TPRG1: variants seen among roughly 807,000 people sequenced by gnomAD.
The protein encoded by TPRG1 is tumor protein p63-regulated gene 1 protein.
Under a neutral mutation model 29.3 loss-of-function variants are expected in TPRG1, and 29 were observed. The observed-to-expected ratio is 0.99, with a 90% confidence interval of 0.74 to 1.35. TPRG1 has a LOEUF of 1.35. TPRG1 is among the 40% of genes most tolerant of loss of function. TPRG1 has a pLI of 0.00. For missense variants in TPRG1, 327 were observed against 335.0 expected (o/e 0.98, Z 0.19); for synonymous variants, 130 against 116.8 (o/e 1.11, Z -0.73).
rs536367580 is a variant in TPRG1 at position 189,161,336 on chromosome 3, G to T, written c.-10+10464G>T. Among the ~76,000 whole-genome samples the T allele has an allele frequency of 5.3e-5, 8 of 152,318 alleles. No individual in the cohort carries two copies. In the South Asian group the frequency reaches 1.7e-3, roughly 32 times the overall value. ...GACTATCTTTGCGGCCTTGGGGCAA[G>T]TTATTCACTTGTTTCTCCTCAGTTT... On this transcript the variant is annotated intron_variant, in intron 5 of 6. Coordinates refer to the TPRG1 transcript ENST00000412373.
At chr3:189,288,711 C>T (rs1718491770) in intron 4 of TPRG1, among the ~76,000 whole-genome samples, 1 of 152,270 alleles carries the variant, frequency 6.6e-6, no homozygotes. Flanking sequence ...AGCTAAGTCG[C>T]AGTTTCAAAA....
chr3:189,230,582 A>C (rs1413282529), intron 3 of TPRG1, among the ~76,000 whole-genome samples: 1 of 152,084 alleles, frequency 6.6e-6, no homozygotes, highest in African/African-American at 2.4e-5. Flanking sequence ...TTGCAACAGC[A>C]TTTCGCTTTA....
In TPRG1 at chr3:189,310,372, C is replaced by T. The variant is rs201150152; in HGVS notation, c.480-14C>T. 2.1e-5 allele frequency: 32 copies of T among 1,544,888 alleles called. No homozygotes were observed. Among genetic ancestry groups the T allele is most frequent in the African/African-American group, 7.1e-5 (5 of 70,610 alleles). On this transcript the variant is annotated splice_polypyrimidine_tract_variant and intron_variant, in intron 4 of 5. Coordinates refer to ENST00000345063, the MANE Select transcript of TPRG1 (RefSeq NM_198485.4). ...TGGAAATGACTAATCTAATGGAAAACGCCTTTCTTGTAGGAGACAAGGAGA... is the reference window on the plus strand; with the variant it reads ...TGGAAATGACTAATCTAATGGAAAATGCCTTTCTTGTAGGAGACAAGGAGA...
At chr3:189,171,843 G>A (rs148624905), upstream of TPRG1, 3 of 152,346 alleles carry the variant, frequency 2.0e-5, no homozygotes, top group African/African-American at 7.2e-5. Flanking sequence ...GTAAAGGTGT[G>A]TCATTGCAGA....
At chr3:189,082,416 C>T (rs950342762) in intron 4 of TPRG1, among the ~76,000 whole-genome samples, 1 of 152,062 alleles carries the variant, frequency 6.6e-6, no homozygotes, top group African/African-American at 2.4e-5. Flanking sequence ...TATGCTTTAT[C>T]TAGGAAGACA....
rs144414994 is a variant in TPRG1, at chr3:189,072,459, T to G, written c.-463+48513T>G. Among the ~76,000 whole-genome samples the G allele has an allele frequency of 3.3e-3, 508 of 152,322 alleles. 6 individuals are homozygous for G. Among genetic ancestry groups the G allele is most frequent in the Admixed American group, 0.024 (363 of 15,308 alleles). On this transcript the variant is annotated intron_variant, in intron 4 of 10. Transcript: ENST00000433971. ...TATTGTTTCTCAATGTGGATATTTT[T>G]TATATTTTTTATGATAAAATGGAAA...
chr3:189,054,647 G>C (rs1175492782), intron 4 of TPRG1, among the ~76,000 whole-genome samples: 1 of 151,892 alleles, frequency 6.6e-6, no homozygotes, highest in Non-Finnish European at 1.5e-5. Flanking sequence ...GCCGGGTGTG[G>C]TGGTACCCAT....
intron 4 of TPRG1, among the ~76,000 whole-genome samples, chr3:189,266,789 A>C (rs931839149): frequency 2.0e-5 from 3 of 152,204 alleles, no homozygotes; most frequent in Non-Finnish European, 4.4e-5. Context: ...ACTTATAACT[A>C]AGAATATTAG....
intron 4 of TPRG1, among the ~76,000 whole-genome samples, chr3:189,286,309 T>C (rs1386781025): frequency 6.6e-6 from 1 of 152,110 alleles, no homozygotes; most frequent in Non-Finnish European, 1.5e-5. Flanking sequence ...TTATTTTTTT[T>C]ATATCATATC....
At position 189,070,365 on chromosome 3, in the gene TPRG1, A is replaced by C. The variant is rs764465107; in HGVS notation, c.-463+46419A>C. On this transcript the variant is annotated intron_variant, in intron 4 of 10. Coordinates refer to the TPRG1 transcript ENST00000433971. ...GTACCTTGTCTGTGGTGATGGCTATATGAACCTATACATGTAATAAAATTG... is the reference window on the plus strand; with the variant it reads ...GTACCTTGTCTGTGGTGATGGCTATCTGAACCTATACATGTAATAAAATTG... Among the ~76,000 whole-genome samples the C allele has an allele frequency of 7.2e-5, 11 of 152,312 alleles. No individual in the cohort carries two copies. The South Asian group carries it at 2.1e-3, about 29-fold the overall frequency.
Position 189,074,840 on chromosome 3 carries a change from C to T in TPRG1, c.-463+50894C>T, listed in dbSNP as rs572639817. Among the ~76,000 whole-genome samples the T allele has an allele frequency of 6.6e-5, 10 of 151,046 alleles. 1 individual carries two copies. Among genetic ancestry groups the T allele is most frequent in the Middle Eastern group, 6.9e-3 (2 of 290 alleles). On this transcript the variant is annotated intron_variant, in intron 4 of 10. Transcript: ENST00000433971. ...CTTTTTTTTTTTCTTGAGACGGAGT[C>T]TCGCTCTGTCGCCCAGGCTGGAGTG...
intron 1 of TPRG1, among the ~76,000 whole-genome samples, chr3:189,117,074 T>C (rs1721265428): frequency 6.6e-6 from 1 of 152,234 alleles, no homozygotes; most frequent in East Asian, 1.9e-4. Flanking sequence ...TTTAAGGATG[T>C]CTCTTTCTCC....
chr3:189,270,942 C>A (rs768668280), intron 4 of TPRG1, among the ~76,000 whole-genome samples: 6 of 152,134 alleles, frequency 3.9e-5, no homozygotes, highest in Non-Finnish European at 8.8e-5. Context: ...AATCTCATTT[C>A]TATTTTTATG....
intron 3 of TPRG1, among the ~76,000 whole-genome samples, chr3:189,139,537 G>A (rs940202107): frequency 2.0e-5 from 3 of 152,208 alleles, no homozygotes; most frequent in South Asian, 2.1e-4. Context: ...ATTACCAGCC[G>A]AGCTCGTATT....
chr3:189,137,016 G>A (rs928791490), intron 3 of TPRG1, among the ~76,000 whole-genome samples: 1 of 152,144 alleles, frequency 6.6e-6, no homozygotes, highest in Non-Finnish European at 1.5e-5. Flanking sequence ...AGTCTGGAAA[G>A]ACAGAGTTCA....
chr3:189,235,675 T>G (rs963757959), intron 3 of TPRG1, among the ~76,000 whole-genome samples: 7 of 152,070 alleles, frequency 4.6e-5, no homozygotes, highest in African/African-American at 1.7e-4. Flanking sequence ...CAGAGGTTGG[T>G]TTTACCATGT....
chr3:189,241,341 G>T (rs1740550426), intron 4 of TPRG1, among the ~76,000 whole-genome samples: 1 of 152,116 alleles, frequency 6.6e-6, no homozygotes, highest in South Asian at 2.1e-4. Flanking sequence ...ACTAGAATTT[G>T]AAGAACGATA....
chr3:189,016,393 A>T (rs1481602696), intron 3 of TPRG1, among the ~76,000 whole-genome samples: 2 of 151,970 alleles, frequency 1.3e-5, no homozygotes, highest in African/African-American at 2.4e-5. Flanking sequence ...TTGATTTTAT[A>T]GGCTCATAAA....
intron 4 of TPRG1, among the ~76,000 whole-genome samples, chr3:189,244,543 A>G (rs531038479): frequency 1.1e-4 from 17 of 152,298 alleles, no homozygotes; most frequent in African/African-American, 3.8e-4. Context: ...GGAACAAGGC[A>G]TCTCACATGG....
Sources: allele counts gnomAD v4.1 joint callset (sites outside exome capture counted in the v4.1 genomes callset), GRCh38; gene constraint gnomAD v4.1.1; transcripts MANE v1.5; gene names NCBI Gene and HGNC (gene_info 2026-07-23, HGNC 2026-07-21).